Variants in EFNA5 observed in about 807,000 individuals in gnomAD.
The protein encoded by EFNA5 is ephrin A5, also known as ephrin-A5.
Under a neutral mutation model 22.9 loss-of-function variants are expected in EFNA5, and 5 were observed. The observed-to-expected ratio is 0.22, with a 90% CI of 0.11 to 0.46. The LOEUF (loss-of-function observed/expected upper bound fraction) is 0.46. Among genes scored for constraint, EFNA5 ranks in the 20% least tolerant of loss-of-function variants. The pLI is 0.99. For missense variants in EFNA5, 237 were observed against 293.3 expected (o/e 0.81, Z 1.40); for synonymous variants, 113 against 112.2 (o/e 1.01, Z -0.04).
chr5:107,424,963 C>CA (rs1748772264), intron 2 of EFNA5, among the ~76,000 whole-genome samples: 1 of 152,118 alleles, frequency 6.6e-6, no homozygotes, highest in Non-Finnish European at 1.5e-5. Context: ...TGTTAATGAA[C>CA]ATCTTTTTGC....
At position 107,609,286 on chromosome 5, in the gene EFNA5, G is replaced by A. The variant is rs570907318; in HGVS notation, c.125+61203C>T. On this transcript the variant is annotated intron_variant, in intron 1 of 4. Transcript: ENST00000333274. ...TCCAATATCACACAAAGAAACAAAAGCAATGAGAATTTACTATCAATAATT... is the reference window on the plus strand; with the variant it reads ...TCCAATATCACACAAAGAAACAAAAACAATGAGAATTTACTATCAATAATT... Among the ~76,000 whole-genome samples the A allele has an allele frequency of 3.3e-5, 5 of 152,234 alleles. No individual in the cohort carries two copies. In the South Asian group the frequency reaches 8.3e-4, roughly 25 times the overall value.
At chr5:107,435,315 CTTTTT>C (rs3999107) in intron 1 of EFNA5, among the ~76,000 whole-genome samples, 4 of 104,634 alleles carry the variant, frequency 3.8e-5, no homozygotes, top group Admixed American at 1.1e-4. Flanking sequence ...TGAAGATGCT[CTTTTT>C]TTTTTTTTTT....
intron 1 of EFNA5, among the ~76,000 whole-genome samples, chr5:107,436,281 A>T (rs1476063563): frequency 1.3e-5 from 2 of 152,220 alleles, no homozygotes; most frequent in African/African-American, 4.8e-5. Context: ...AAAGCATTAA[A>T]TTGGCAGAGC....
At chr5:107,668,658 T>G (rs1751121368) in intron 1 of EFNA5, among the ~76,000 whole-genome samples, 1 of 152,124 alleles carries the variant, frequency 6.6e-6, no homozygotes, top group Admixed American at 6.5e-5. Context: ...AGAAACTATT[T>G]CAGTGTTGCT....
intron 1 of EFNA5, among the ~76,000 whole-genome samples, chr5:107,535,564 T>C (rs1209969262): frequency 6.6e-6 from 1 of 152,174 alleles, no homozygotes; most frequent in Non-Finnish European, 1.5e-5. Context: ...CTTTATTATA[T>C]GACATTATTT....
intron 1 of EFNA5, among the ~76,000 whole-genome samples, chr5:107,573,340 A>T (rs139570962): frequency 2.0e-5 from 3 of 152,180 alleles, no homozygotes; most frequent in South Asian, 2.1e-4. Flanking sequence ...ATATGAAACC[A>T]GGGGGTAAGA....
intron 1 of EFNA5, among the ~76,000 whole-genome samples, chr5:107,660,287 T>TATATATATATAA (rs1561462907): frequency 1.8e-4 from 20 of 110,440 alleles, no homozygotes; most frequent in Non-Finnish European, 3.0e-4. Context: ...TATATATATA[T>TATATATATATAA]ATATATATAT....
At chr5:107,416,839 C>T (rs1291189035) in intron 2 of EFNA5, among the ~76,000 whole-genome samples, 4 of 152,108 alleles carry the variant, frequency 2.6e-5, no homozygotes, top group Admixed American at 1.3e-4. Context: ...CTTAGATTTG[C>T]CCATTAAAAA....
chr5:107,398,695 T>C (rs913498210), intron 2 of EFNA5, among the ~76,000 whole-genome samples: 2 of 148,444 alleles, frequency 1.3e-5, no homozygotes, highest in Non-Finnish European at 3.0e-5. Flanking sequence ...TAAAAAAAAA[T>C]TTTTTTTTTA....
At chr5:107,511,601 T>C (rs1350359560) in intron 1 of EFNA5, among the ~76,000 whole-genome samples, 2 of 152,226 alleles carry the variant, frequency 1.3e-5, no homozygotes, top group African/African-American at 4.8e-5. Flanking sequence ...TATCCATTTA[T>C]AAAGTGTTAC....
At chr5:107,421,282 C>T (rs1337129866) in intron 2 of EFNA5, among the ~76,000 whole-genome samples, 1 of 152,126 alleles carries the variant, frequency 6.6e-6, no homozygotes, top group East Asian at 1.9e-4. Context: ...AAATGATGTC[C>T]ATAGTAACAC....
intron 1 of EFNA5, among the ~76,000 whole-genome samples, chr5:107,669,728 G>T (rs1324057891): frequency 6.6e-6 from 1 of 152,106 alleles, no homozygotes; most frequent in African/African-American, 2.4e-5. Context: ...CGGGCGAAGG[G>T]CTCCCACCTC....
intron 1 of EFNA5, among the ~76,000 whole-genome samples, chr5:107,630,628 T>C (rs138963151): frequency 6.6e-6 from 1 of 152,232 alleles, no homozygotes; most frequent in East Asian, 1.9e-4. Context: ...TGTACACTTC[T>C]GTAGACTTTA....
At chr5:107,559,344 A>G (rs183317008) in intron 1 of EFNA5, among the ~76,000 whole-genome samples, 51 of 152,326 alleles carry the variant, frequency 3.3e-4, no homozygotes, top group African/African-American at 1.1e-3. Flanking sequence ...TCTTTCATAT[A>G]TATCTGTCTA....
At chr5:107,409,647 C>T (rs17448714) in intron 2 of EFNA5, among the ~76,000 whole-genome samples, 1,882 of 152,152 alleles carry the variant, frequency 0.012, 25 homozygotes, top group Non-Finnish European at 0.02. Flanking sequence ...GATGGACTTA[C>T]GAATAGGTTT....
At chr5:107,669,587 G>A (rs1209790756) in intron 1 of EFNA5, among the ~76,000 whole-genome samples, 1 of 152,156 alleles carries the variant, frequency 6.6e-6, no homozygotes, top group Non-Finnish European at 1.5e-5. Context: ...ACTGGCCGGT[G>A]TCCAGCACGC....
At chr5:107,620,082 C>A (rs35533) in intron 1 of EFNA5, among the ~76,000 whole-genome samples, 40,825 of 152,162 alleles carry the variant, frequency 0.27, 6,018 homozygotes, top group Non-Finnish European at 0.33. Context: ...CTTATTCAGA[C>A]ACTTCCTTCC....
Position 107,648,316 on chromosome 5 carries a change from A to G in EFNA5, c.125+22173T>C, listed in dbSNP as rs1750666098. Among the ~76,000 whole-genome samples, 3 of 152,332 alleles carry G rather than the reference A, an allele frequency of 2.0e-5. 1 individual carries two copies. The South Asian group carries it at 6.2e-4, about 32-fold the overall frequency. Reference sequence around the variant, plus strand: ...TCAAAACATGCAATAAAAGGGTGTGACAATGGAGTCATATTTATGTAACTA... The same window carrying G: ...TCAAAACATGCAATAAAAGGGTGTGGCAATGGAGTCATATTTATGTAACTA... On this transcript the variant is annotated intron_variant, in intron 1 of 4. Coordinates refer to ENST00000333274, the MANE Select transcript of EFNA5 (RefSeq NM_001962.3).
At chr5:107,461,756 CTATT>C (rs1379680336) in intron 1 of EFNA5, among the ~76,000 whole-genome samples, 2 of 152,036 alleles carry the variant, frequency 1.3e-5, no homozygotes, top group African/African-American at 4.8e-5. Context: ...CTTGATTAAC[CTATT>C]TAGTCATGTT....
Sources: allele counts gnomAD v4.1 joint callset (sites outside exome capture counted in the v4.1 genomes callset), GRCh38; gene constraint gnomAD v4.1.1; transcripts MANE v1.5; gene names NCBI Gene and HGNC (gene_info 2026-07-23, HGNC 2026-07-21).